KIF6: variants seen among roughly 807,000 people sequenced by gnomAD.
KIF6 encodes the protein kinesin family member 6.
In KIF6, 106 loss-of-function variants were observed where a neutral mutation model predicts 112.7. The ratio of observed to expected loss-of-function variants is 0.94; its 90% CI spans 0.80 to 1.11. The LOEUF is 1.11. KIF6 is among the 50% of genes least tolerant of loss of function. The pLI is 0.00. For synonymous variants in KIF6, 339 were observed against 339.9 expected (o/e 1.00, Z 0.03); for missense variants, 929 against 964.0 (o/e 0.96, Z 0.48).
At chr6:39,523,122 C>A (rs576825938) in intron 13 of KIF6, among the ~76,000 whole-genome samples, 1 of 152,272 alleles carries the variant, frequency 6.6e-6, no homozygotes, top group African/African-American at 2.4e-5. Flanking sequence ...GGCACTGTAT[C>A]CACTCAGAAA....
At position 39,556,671 on chromosome 6, in the gene KIF6, G is replaced by A. The variant is rs1373444292; in HGVS notation, c.1182-10983C>T. 4.7e-5 allele frequency among the ~76,000 whole-genome samples: 7 copies of A among 149,344 alleles called. No individual in the cohort carries two copies. In the South Asian group the frequency reaches 6.5e-4, roughly 14 times the overall value. The stretch of plus-strand genomic sequence containing the variant: ...AGAACAAGGTTAGGAAGGTGGGAAA[G>A]GTGGGAAGGAGTGGAGAGAAAGACA... On this transcript the variant is annotated intron_variant, in intron 10 of 22. Transcript: ENST00000287152.
intron 3 of KIF6, among the ~76,000 whole-genome samples, chr6:39,642,616 T>G (rs1784967153): frequency 6.6e-6 from 1 of 151,988 alleles, no homozygotes; most frequent in Non-Finnish European, 1.5e-5. Flanking sequence ...TCGGGGTGTT[T>G]GTTGAAAAAA....
intron 7 of KIF6, among the ~76,000 whole-genome samples, chr6:39,591,370 T>C (rs1296268154): frequency 6.6e-6 from 1 of 152,194 alleles, no homozygotes; most frequent in Non-Finnish European, 1.5e-5. Flanking sequence ...GGAAATCTCT[T>C]AAATAAAGTG....
intron 15 of KIF6, among the ~76,000 whole-genome samples, chr6:39,393,429 G>T (rs893942554): frequency 4.6e-5 from 7 of 152,150 alleles, no homozygotes; most frequent in African/African-American, 1.4e-4. Flanking sequence ...AACTGAATTA[G>T]GTCACATGTG....
intron 8 of KIF6, 54 bp downstream of exon 8, chr6:39,586,207 C>G: frequency 6.3e-7 from 1 of 1,597,578 alleles, no homozygotes; most frequent in Non-Finnish European, 8.6e-7. Context: ...CTCCGTCTCA[C>G]GTGCTAGCAG....
At chr6:39,449,092 T>C (rs1476404189) in intron 13 of KIF6, among the ~76,000 whole-genome samples, 2 of 152,244 alleles carry the variant, frequency 1.3e-5, no homozygotes, top group Non-Finnish European at 2.9e-5. Flanking sequence ...GTCTCTTTTT[T>C]AGCCTAACCC....
chr6:39,411,521 G>T (rs920626616), intron 15 of KIF6, among the ~76,000 whole-genome samples: 1 of 152,154 alleles, frequency 6.6e-6, no homozygotes, highest in African/African-American at 2.4e-5. Flanking sequence ...GGTAGGAGTG[G>T]GATAAAATTA....
chr6:39,477,480 TAA>T (rs1356187029), intron 13 of KIF6, among the ~76,000 whole-genome samples: 1 of 152,176 alleles, frequency 6.6e-6, no homozygotes, highest in Non-Finnish European at 1.5e-5. Context: ...TATCTAGTGA[TAA>T]ACGATAAGGG....
intron 13 of KIF6, among the ~76,000 whole-genome samples, chr6:39,449,371 G>A (rs1251655310): frequency 6.6e-6 from 1 of 152,162 alleles, no homozygotes; most frequent in Non-Finnish European, 1.5e-5. Context: ...GGTATTCTTT[G>A]TTCATGCCTT....
chr6:39,457,781 T>C (rs1773228628), intron 13 of KIF6, among the ~76,000 whole-genome samples: 1 of 152,024 alleles, frequency 6.6e-6, no homozygotes, highest in Admixed American at 6.6e-5. Context: ...AAGAAATGGG[T>C]ACAATCCTCG....
chr6:39,337,514 T>C (rs1763098930), intron 22 of KIF6, among the ~76,000 whole-genome samples: 1 of 152,046 alleles, frequency 6.6e-6, no homozygotes, highest in Non-Finnish European at 1.5e-5. Context: ...GGTTTCACCA[T>C]GTTGTCCAGG....
chr6:39,711,671 G>GT (rs1789565811), intron 3 of KIF6, among the ~76,000 whole-genome samples: 1 of 152,096 alleles, frequency 6.6e-6, no homozygotes, highest in African/African-American at 2.4e-5. Context: ...TTTCTAAGAG[G>GT]TTATTAGAGG....
intron 13 of KIF6, among the ~76,000 whole-genome samples, chr6:39,482,770 C>A (rs2150460216): frequency 6.6e-6 from 1 of 152,304 alleles, no homozygotes; most frequent in East Asian, 1.9e-4. Flanking sequence ...CATTTTGAAG[C>A]CCAGTCCAGC....
chr6:39,482,631 A>G (rs1279209251), intron 13 of KIF6, among the ~76,000 whole-genome samples: 2 of 152,254 alleles, frequency 1.3e-5, no homozygotes, highest in African/African-American at 4.8e-5. Context: ...TTCCTCATGC[A>G]GTATTGGGCT....
chr6:39,692,216 G>A (rs554614940), intron 3 of KIF6, among the ~76,000 whole-genome samples: 176 of 152,220 alleles, frequency 1.2e-3, no homozygotes, highest in Non-Finnish European at 2.2e-3. Flanking sequence ...CAGAAAAAAC[G>A]TAAATCATCA....
chr6:39,493,900 C>T (rs551583686), intron 13 of KIF6, among the ~76,000 whole-genome samples: 50 of 152,308 alleles, frequency 3.3e-4, no homozygotes, highest in African/African-American at 9.1e-4. Flanking sequence ...TTCTTTTGGC[C>T]TCTTTCTATA....
At position 39,418,866 on chromosome 6, in the gene KIF6, C is replaced by T. The variant is rs1041771209; in HGVS notation, c.1810+1082G>A. The stretch of plus-strand genomic sequence containing the variant: ...GCACTCACAGTGGCTTCTGTCCTGT[C>T]CTCACTTGTAGGCGGAGAAAAGGGG... On this transcript the variant is annotated intron_variant, in intron 15 of 22. Transcript: ENST00000287152. Among the ~76,000 whole-genome samples the T allele has an allele frequency of 3.9e-5, 6 of 152,220 alleles. No individual in the cohort carries two copies. In the East Asian group the frequency reaches 9.7e-4, roughly 25 times the overall value.
intron 22 of KIF6, 131 bp from the exon 23 acceptor site, chr6:39,336,679 C>T (rs993745345): frequency 2.6e-6 from 2 of 775,460 alleles, no homozygotes; most frequent in Non-Finnish European, 2.3e-6. Flanking sequence ...TGTGTCTTGC[C>T]TCCCAGGAGC....
intron 16 of KIF6, among the ~76,000 whole-genome samples, chr6:39,370,153 A>G (rs1765860211): frequency 6.6e-6 from 1 of 152,210 alleles, no homozygotes; most frequent in African/African-American, 2.4e-5. Context: ...CGTGGTGACC[A>G]TATGGCTCAG....
Sources: allele counts gnomAD v4.1 joint callset (sites outside exome capture counted in the v4.1 genomes callset), GRCh38; gene constraint gnomAD v4.1.1; transcripts MANE v1.5; gene names NCBI Gene and HGNC (gene_info 2026-07-23, HGNC 2026-07-21).